The following FAM204A variants were observed in gnomAD, a reference collection of about 807,000 sequenced individuals.
FAM204A encodes family with sequence similarity 204 member A.
FAM204A carries 16 observed loss-of-function variants against 35.4 expected under a neutral mutation model. The ratio of observed to expected loss-of-function variants is 0.45; its 90% confidence interval spans 0.31 to 0.69. The LOEUF is 0.69. Ranked by LOEUF, FAM204A falls within the 30% of genes least tolerant of loss-of-function variation. The probability of loss-of-function intolerance (pLI) is 0.07; values close to 1 mark genes in which losing one functional copy is unlikely to be tolerated. For synonymous variants in FAM204A, 76 were observed against 86.9 expected, an observed-to-expected ratio of 0.88 and a Z score of 0.70; for missense variants, 240 against 265.7, an observed-to-expected ratio of 0.90 and a Z score of 0.67.
At chr10:118,330,133 A>G (rs1846266968) in intron 6 of FAM204A, among the ~76,000 whole-genome samples, 1 of 152,196 alleles carries the variant, frequency 6.6e-6, no homozygotes, top group South Asian at 2.1e-4. Flanking sequence ...TAAATACAAC[A>G]GCCTCATTTT....
rs1299204051 is a variant in FAM204A, at chr10:118,341,835, C to T, written c.-117G>A. 6.6e-6 allele frequency: 1 copy of T among 152,290 alleles called. No individual in the cohort carries two copies. The highest frequency in any genetic ancestry group is 1.5e-5 in the Non-Finnish European group (1 of 68,148). 9.4% of individuals were successfully genotyped at this position (152,290 alleles called of 1,614,324 possible). A position where few individuals can be genotyped will look rare whatever the true frequency, so the allele number is the denominator to read the frequency against. ...TGGCGGCAATGCCACACTCCAATCCCAAAAGAGAGAGAAGCCCCTCCCGGG... is the reference window on the plus strand; with the variant it reads ...TGGCGGCAATGCCACACTCCAATCCTAAAAGAGAGAGAAGCCCCTCCCGGG... On this transcript the variant is annotated 5_prime_UTR_variant, in exon 2 of 9. Coordinates refer to ENST00000369183, the MANE Select transcript of FAM204A (RefSeq NM_022063.3).
chr10:118,318,554 C>T (rs528186719), intron 7 of FAM204A, among the ~76,000 whole-genome samples: 2 of 151,912 alleles, frequency 1.3e-5, no homozygotes, highest in Non-Finnish European at 2.9e-5. Context: ...GCAACCTTTC[C>T]GCAGGGTCAC....
At chr10:118,319,376 C>T (rs1224919561) in intron 7 of FAM204A, among the ~76,000 whole-genome samples, 1 of 151,822 alleles carries the variant, frequency 6.6e-6, no homozygotes, top group East Asian at 1.9e-4. Context: ...GAAATATTGA[C>T]AAACTATTAC....
At chr10:118,312,127 A>G (rs956676073) in intron 7 of FAM204A, among the ~76,000 whole-genome samples, 1 of 152,206 alleles carries the variant, frequency 6.6e-6, no homozygotes, top group Admixed American at 6.5e-5. Context: ...CTCCAGGATA[A>G]GCATTGTGAT....
chr10:118,338,618 A>G (rs1846424162), intron 2 of FAM204A, among the ~76,000 whole-genome samples: 1 of 152,250 alleles, frequency 6.6e-6, no homozygotes, highest in Non-Finnish European at 1.5e-5. Flanking sequence ...AAAAATCCCT[A>G]GCCTCACGAA....
intron 6 of FAM204A, among the ~76,000 whole-genome samples, chr10:118,329,932 C>T (rs1846264177): frequency 6.6e-6 from 1 of 151,938 alleles, no homozygotes; most frequent in South Asian, 2.1e-4. Flanking sequence ...GTAATAATGC[C>T]CCTATGGTTA....
intron 7 of FAM204A, among the ~76,000 whole-genome samples, chr10:118,323,861 C>A (rs1359720172): frequency 6.6e-6 from 1 of 152,084 alleles, no homozygotes; most frequent in Non-Finnish European, 1.5e-5. Context: ...AAAAGACTTT[C>A]TATGGAAATA....
intron 6 of FAM204A, among the ~76,000 whole-genome samples, chr10:118,331,852 T>C (rs1291308868): frequency 1.3e-5 from 2 of 148,274 alleles, no homozygotes; most frequent in Non-Finnish European, 3.0e-5. Flanking sequence ...TTTATATATA[T>C]ATATATATAT....
At chr10:118,334,228 T>C (rs1294587115) in intron 6 of FAM204A, among the ~76,000 whole-genome samples, 1 of 152,168 alleles carries the variant, frequency 6.6e-6, no homozygotes, top group East Asian at 1.9e-4. Context: ...TTTGGCTAGG[T>C]CCCACTCTCA....
rs1845781332 is a variant in FAM204A, at chr10:118,299,219, T to C, written c.*11638A>G. 6.6e-6 allele frequency: 1 copy of C among 152,160 alleles called. No individual in the cohort carries two copies. Among genetic ancestry groups the C allele is most frequent in the Non-Finnish European group, 1.5e-5 (1 of 68,036 alleles). 9.4% of individuals were successfully genotyped at this position (152,160 alleles called of 1,614,324 possible). A position where few individuals can be genotyped will look rare whatever the true frequency, so the allele number is the denominator to read the frequency against. On this transcript the variant is annotated 3_prime_UTR_variant, in exon 9 of 9. Transcript: ENST00000369183. ...ATCTATGGCTGAACTTTTCAGGTTC[T>C]TCCTTTGGGCAGTACTGCTTAAGTG...
chr10:118,327,180 A>G (rs1846210615), intron 6 of FAM204A, among the ~76,000 whole-genome samples: 1 of 152,174 alleles, frequency 6.6e-6, no homozygotes, highest in Admixed American at 6.5e-5. Flanking sequence ...TACCTCTTAC[A>G]GACTTCTCCT....
rs200902895 is a variant in FAM204A, at chr10:118,303,817, A to T, written c.*7040T>A. 4.2e-5 allele frequency: 2 copies of T among 47,136 alleles called. No individual in the cohort carries two copies. Among genetic ancestry groups the T allele is most frequent in the Non-Finnish European group, 1.6e-4 (2 of 12,612 alleles). 2.9% of individuals were successfully genotyped at this position (47,136 alleles called of 1,614,324 possible). On this transcript the variant is annotated 3_prime_UTR_variant, in exon 9 of 9. Transcript: ENST00000369183. ...CAGAGCAAGACTCCGTCTCAAAAAG[A>T]AAAAAAGAAAAAAAACAGCTCCTTT...
At chr10:118,312,083 C>G (rs530669629) in intron 7 of FAM204A, among the ~76,000 whole-genome samples, 1 of 152,206 alleles carries the variant, frequency 6.6e-6, no homozygotes, top group Non-Finnish European at 1.5e-5. Context: ...CCCTGCACGG[C>G]GCTCTGGCTG....
chr10:118,311,115 TAAC>T, intron 8 of FAM204A, 89 bp downstream of exon 8: 1 of 1,219,438 alleles, frequency 8.2e-7, no homozygotes, highest in Non-Finnish European at 1.2e-6. Context: ...TAAAATGAGT[TAAC>T]AGTTATACAC....
chr10:118,316,445 C>T (rs1846031777), intron 7 of FAM204A, among the ~76,000 whole-genome samples: 1 of 152,118 alleles, frequency 6.6e-6, no homozygotes, highest in Admixed American at 6.6e-5. Flanking sequence ...ATAAGCTAGG[C>T]CATATCCAGT....
rs149567788 is a variant in FAM204A at position 118,341,119 on chromosome 10, T to C, written c.-9+608A>G. Among the ~76,000 whole-genome samples, 463 of 152,322 alleles carry C rather than the reference T, an allele frequency of 3.0e-3. 3 individuals carry two copies. Among genetic ancestry groups the C allele is most frequent in the Middle Eastern group, 3.4e-3 (1 of 294 alleles). Reference sequence around the variant, plus strand: ...AAGTCACAGTCAGAGGTTTGAGTAATAATGTCATATTTTCTGGACAACCAG... The same window carrying C: ...AAGTCACAGTCAGAGGTTTGAGTAACAATGTCATATTTTCTGGACAACCAG... On this transcript the variant is annotated intron_variant, in intron 2 of 8. Transcript: ENST00000369183.
rs1169328141 is a variant in FAM204A, at chr10:118,301,819, G to T, written c.*9038C>A. ...AAGGTACAGAGAGATTAAGTAGCCT[G>T]CCGGAGGTTACACAGCTTGTAAGTA... On this transcript the variant is annotated 3_prime_UTR_variant, in exon 9 of 9. Transcript: ENST00000369183. 2 of 152,208 alleles carry T rather than the reference G, an allele frequency of 1.3e-5. No individual in the cohort carries two copies. The allele number at this position is 152,208 out of a possible 1,614,324, so 9.4% of individuals were successfully genotyped here.
chr10:118,329,832 T>C (rs539699399), intron 6 of FAM204A, among the ~76,000 whole-genome samples: 1 of 152,296 alleles, frequency 6.6e-6, no homozygotes, highest in East Asian at 1.9e-4. Flanking sequence ...TTTGCATTCA[T>C]AGTGAAAGGA....
At chr10:118,332,097 G>A (rs565310273) in intron 6 of FAM204A, among the ~76,000 whole-genome samples, 1 of 137,158 alleles carries the variant, frequency 7.3e-6, no homozygotes, top group African/African-American at 2.6e-5. Context: ...GTTTGCACCT[G>A]GGAAGTGGAG....
Sources: allele counts gnomAD v4.1 joint callset (sites outside exome capture counted in the v4.1 genomes callset), GRCh38; gene constraint gnomAD v4.1.1; transcripts MANE v1.5; gene names NCBI Gene and HGNC (gene_info 2026-07-23, HGNC 2026-07-21).